The following RALGAPA1 variants were observed in gnomAD, a reference collection of about 807,000 sequenced individuals.
The protein encoded by RALGAPA1 is ral GTPase-activating protein subunit alpha-1.
RALGAPA1 carries 52 observed loss-of-function variants against 269.6 expected under a neutral mutation model. The ratio of observed to expected loss-of-function variants is 0.19; its 90% CI spans 0.15 to 0.24. The LOEUF (loss-of-function observed/expected upper bound fraction) is 0.24, where lower values mean the gene tolerates loss of function less well. RALGAPA1 is among the 10% of genes least tolerant of loss of function. RALGAPA1 has a pLI of 1.00. For missense variants in RALGAPA1, 1,917 were observed against 3,013.9 expected (o/e 0.64, Z 8.52); for synonymous variants, 817 against 1,008.3 (o/e 0.81, Z 3.60).
intron 35 of RALGAPA1, among the ~76,000 whole-genome samples, chr14:35,624,917 G>A (rs1378104133): frequency 2.0e-5 from 3 of 151,984 alleles, no homozygotes; most frequent in Non-Finnish European, 1.5e-5. Context: ...CAAGCCAGGC[G>A]CGGTGGCTCA....
At chr14:35,669,852 A>C (rs1290085494) in intron 26 of RALGAPA1, among the ~76,000 whole-genome samples, 2 of 152,130 alleles carry the variant, frequency 1.3e-5, no homozygotes, top group Non-Finnish European at 2.9e-5. Flanking sequence ...TTCTGTACGC[A>C]AGGGGAGGGG....
At chr14:35,735,006 T>C (rs8018938) in intron 12 of RALGAPA1, among the ~76,000 whole-genome samples, 52,413 of 150,730 alleles carry the variant, frequency 0.35, 12,557 homozygotes, top group African/African-American at 0.67. Flanking sequence ...TGCGATACCA[T>C]CTGACTCCTG....
chr14:35,579,780 CAG>C (rs2057832200), intron 37 of RALGAPA1, among the ~76,000 whole-genome samples: 1 of 151,992 alleles, frequency 6.6e-6, no homozygotes, highest in African/African-American at 2.4e-5. Context: ...GAGTTATGGG[CAG>C]AGTTTCTTCT....
Position 35,689,185 on chromosome 14 carries a change from CA to C in RALGAPA1, c.3225del (p.Asp1076MetfsTer2). Reference sequence around the variant, plus strand: ...TTAAGCTTTTCAACTAGTGTTACATCAACACAAGCATCTAATTCTGTGGCTG... The same window carrying C: ...TTAAGCTTTTCAACTAGTGTTACATCACACAAGCATCTAATTCTGTGGCTG... The part of the protein sequence containing the change: ...RQAATELDAC[V>X]DVTLVEKLKS... On this transcript the variant is annotated frameshift_variant, in exon 18 of 42. Coordinates refer to ENST00000680220, the MANE Select transcript of RALGAPA1 (RefSeq NM_001346249.2). LOFTEE classifies it high-confidence loss of function. 1 of 1,233,022 alleles carries C rather than the reference CA, an allele frequency of 8.1e-7. No individual in the cohort carries two copies. The highest frequency in any genetic ancestry group is 1.0e-6 in the Non-Finnish European group (1 of 988,656). The allele number at this position is 1,233,022 out of a possible 1,614,324, so 76.4% of individuals were successfully genotyped here.
At chr14:35,612,696 G>A (rs1030911570) in intron 35 of RALGAPA1, among the ~76,000 whole-genome samples, 4 of 151,786 alleles carry the variant, frequency 2.6e-5, no homozygotes, top group East Asian at 1.9e-4. Flanking sequence ...CCGCCACCAC[G>A]CCCCGCTAAT....
At chr14:35,724,953 A>G (rs1595332497) in intron 14 of RALGAPA1, 71 bp downstream of exon 14, 1 of 1,240,386 alleles carries the variant, frequency 8.1e-7, no homozygotes, top group East Asian at 2.8e-5. Context: ...TTAAAAAACA[A>G]ACAAACAACA....
At position 35,605,727 on chromosome 14, in the gene RALGAPA1, A is replaced by C; in HGVS notation, c.6930-18T>G. 6.2e-7 allele frequency: 1 copy of C among 1,601,654 alleles called. No homozygotes were observed. The highest frequency in any genetic ancestry group is 8.5e-7 in the Non-Finnish European group (1 of 1,176,914). On this transcript the variant is annotated intron_variant, in intron 35 of 41. Transcript: ENST00000680220. Reference sequence around the variant, plus strand: ...TCTCTCGGCTATAAAACAAAAGATTACACCATTAATTTAATCACTATTTTA... The same window carrying C: ...TCTCTCGGCTATAAAACAAAAGATTCCACCATTAATTTAATCACTATTTTA...
At chr14:35,742,592 AATG>A in intron 10 of RALGAPA1, 27 bp from the exon 11 acceptor site, 2 of 1,518,604 alleles carry the variant, frequency 1.3e-6, no homozygotes, top group Non-Finnish European at 1.8e-6. Context: ...GAATCAAGAT[AATG>A]ATACTTTTTC....
chr14:35,610,263 T>G (rs1399090909), intron 35 of RALGAPA1, among the ~76,000 whole-genome samples: 2 of 150,870 alleles, frequency 1.3e-5, no homozygotes, highest in Non-Finnish European at 3.0e-5. Flanking sequence ...ATGATCAAAT[T>G]CCTAGAAAGA....
Position 35,742,454 on chromosome 14 carries a change from T to C in RALGAPA1, c.1363A>G (p.Ile455Val), listed in dbSNP as rs774908068. 3.7e-6 allele frequency: 6 copies of C among 1,600,944 alleles called. No homozygotes were observed. Among genetic ancestry groups the C allele is most frequent in the South Asian group, 2.2e-5 (2 of 90,710 alleles). ...KPLFMQEPEE[I>V]VITSSDLPCI... ...GGGAGGTCTGAAGAAGTGATCACAA[T>C]TTCTTCAGGCTCTTGCATGAACAAA... The change falls in exon 11 of 42, where the codon ATT becomes GTT. Residue 455 changes from isoleucine (I) to valine (V), a missense_variant. Around this residue, in one of 11 missense-constraint regions of RALGAPA1, gnomAD observed 462 missense variants for 725.6 expected, o/e 0.64. Transcript: ENST00000680220.
intron 26 of RALGAPA1, among the ~76,000 whole-genome samples, chr14:35,665,259 T>C (rs1349086129): frequency 6.6e-6 from 1 of 152,198 alleles, no homozygotes; most frequent in Non-Finnish European, 1.5e-5. Context: ...CTATACCACT[T>C]ACTAGAAGCA....
At chr14:35,540,257 C>G (rs2053846216) in intron 41 of RALGAPA1, among the ~76,000 whole-genome samples, 1 of 152,044 alleles carries the variant, frequency 6.6e-6, no homozygotes, top group Non-Finnish European at 1.5e-5. Flanking sequence ...TAAGAAGGAG[C>G]AAGATAAATT....
intron 35 of RALGAPA1, among the ~76,000 whole-genome samples, chr14:35,622,393 T>C (rs1022771792): frequency 3.9e-5 from 6 of 152,116 alleles, no homozygotes; most frequent in African/African-American, 1.4e-4. Context: ...AGGGATAGAA[T>C]TAGGAGAAAT....
At chr14:35,799,526 C>T (rs569696787) in intron 1 of RALGAPA1, among the ~76,000 whole-genome samples, 7 of 150,736 alleles carry the variant, frequency 4.6e-5, no homozygotes, top group African/African-American at 1.7e-4. Flanking sequence ...CGTACCACTG[C>T]ACTCCAGCCT....
At chr14:35,569,915 C>T (rs1464148129) in intron 39 of RALGAPA1, among the ~76,000 whole-genome samples, 2 of 152,046 alleles carry the variant, frequency 1.3e-5, no homozygotes, top group East Asian at 1.9e-4. Context: ...ACTCCAGAGT[C>T]GTAGAGTACC....
intron 18 of RALGAPA1, among the ~76,000 whole-genome samples, chr14:35,687,811 A>G (rs2066088472): frequency 6.6e-6 from 1 of 152,244 alleles, no homozygotes; most frequent in African/African-American, 2.4e-5. Context: ...TTTCAAGGAC[A>G]TAACTTGCAT....
chr14:35,588,734 C>T (rs1373114034), intron 37 of RALGAPA1, among the ~76,000 whole-genome samples: 1 of 152,120 alleles, frequency 6.6e-6, no homozygotes, highest in Non-Finnish European at 1.5e-5. Context: ...TCATTATGAT[C>T]CAGCAATCCC....
intron 35 of RALGAPA1, among the ~76,000 whole-genome samples, chr14:35,606,941 AGC>A (rs1268026471): frequency 6.6e-6 from 1 of 152,158 alleles, no homozygotes; most frequent in Admixed American, 6.5e-5. Flanking sequence ...TTAGGTGATG[AGC>A]ACATAGGCAA....
intron 33 of RALGAPA1, among the ~76,000 whole-genome samples, chr14:35,633,708 T>C (rs1265878581): frequency 2.0e-5 from 3 of 152,186 alleles, no homozygotes; most frequent in Admixed American, 6.5e-5. Context: ...TCAAAAGTGC[T>C]CTTAATATAA....
Sources: allele counts gnomAD v4.1 joint callset (sites outside exome capture counted in the v4.1 genomes callset), GRCh38; gene constraint gnomAD v4.1.1; regional missense constraint gnomAD v4.1.1; transcripts MANE v1.5; gene names NCBI Gene and HGNC (gene_info 2026-07-23, HGNC 2026-07-21).